Variants in KHDRBS2 observed in about 807,000 individuals in gnomAD.
The protein encoded by KHDRBS2 is KH RNA binding domain containing, signal transduction associated 2.
KHDRBS2 carries 26 observed loss-of-function variants against 44.3 expected under a neutral mutation model. The ratio of observed to expected loss-of-function variants is 0.59; its 90% CI spans 0.43 to 0.81. The LOEUF (loss-of-function observed/expected upper bound fraction) is 0.81. Among genes scored for constraint, KHDRBS2 ranks in the 40% least tolerant of loss-of-function variants. The probability of loss-of-function intolerance (pLI) is 0.00; values close to 1 mark genes in which losing one functional copy is unlikely to be tolerated. For synonymous variants in KHDRBS2, 194 were observed against 151.1 expected (o/e 1.28, Z -2.08); for missense variants, 476 against 433.1 (o/e 1.10, Z -0.88).
At chr6:61,950,366 A>G (rs1359884855) in intron 4 of KHDRBS2, among the ~76,000 whole-genome samples, 6 of 152,038 alleles carry the variant, frequency 3.9e-5, no homozygotes, top group African/African-American at 1.4e-4. Flanking sequence ...CTAGGAAATG[A>G]ATTTCCTCAA....
intron 7 of KHDRBS2, among the ~76,000 whole-genome samples, chr6:61,714,008 C>A (rs1327620808): frequency 6.6e-6 from 1 of 151,742 alleles, no homozygotes; most frequent in Non-Finnish European, 1.5e-5. Flanking sequence ...ACTAAGACCA[C>A]AAAAGCACAG....
chr6:62,226,932 T>C (rs997733551), intron 1 of KHDRBS2, among the ~76,000 whole-genome samples: 4 of 152,242 alleles, frequency 2.6e-5, no homozygotes, highest in Non-Finnish European at 4.4e-5. Flanking sequence ...TGTACCATTG[T>C]AGTATAGTTT....
At chr6:61,643,968 T>C in the KHDRBS2 span, among the ~76,000 whole-genome samples, 2 of 152,122 alleles carry the variant, frequency 1.3e-5, no homozygotes, top group African/African-American at 2.4e-5. Context: ...AAAATTTATA[T>C]GGAACCAAAA....
intron 1 of KHDRBS2, among the ~76,000 whole-genome samples, chr6:62,251,784 C>A (rs1836578064): frequency 6.6e-6 from 1 of 151,738 alleles, no homozygotes; most frequent in African/African-American, 2.4e-5. Context: ...TGAAAATCAA[C>A]CAAAAATAGG....
chr6:62,248,359 T>C (rs191837206), intron 1 of KHDRBS2, among the ~76,000 whole-genome samples: 1 of 151,906 alleles, frequency 6.6e-6, no homozygotes, highest in Admixed American at 6.6e-5. Flanking sequence ...TTTATTATTT[T>C]TTATTTTTTC....
intron 6 of KHDRBS2, among the ~76,000 whole-genome samples, chr6:61,744,169 T>C (rs1381112344): frequency 1.3e-5 from 2 of 152,078 alleles, no homozygotes; most frequent in African/African-American, 4.8e-5. Flanking sequence ...TAGTCTATTA[T>C]TGTGTCATGG....
chr6:61,926,360 T>C (rs1204080180), intron 4 of KHDRBS2, among the ~76,000 whole-genome samples: 5 of 152,230 alleles, frequency 3.3e-5, no homozygotes, highest in Middle Eastern at 3.4e-3. Context: ...TCTTTGGAGT[T>C]TGAAATGAAA....
chr6:62,083,421 T>A (rs1797798001), intron 2 of KHDRBS2, among the ~76,000 whole-genome samples: 1 of 152,196 alleles, frequency 6.6e-6, no homozygotes, highest in Non-Finnish European at 1.5e-5. Context: ...TGCAACCTGA[T>A]TCCTCCTGGA....
chr6:62,076,188 A>C (rs1057344949), intron 2 of KHDRBS2, among the ~76,000 whole-genome samples: 18 of 151,986 alleles, frequency 1.2e-4, no homozygotes, highest in Non-Finnish European at 2.2e-4. Flanking sequence ...ATAGATGATA[A>C]AAATGGATTA....
At chr6:61,738,221 C>T (rs576491740) in intron 6 of KHDRBS2, among the ~76,000 whole-genome samples, 2 of 152,000 alleles carry the variant, frequency 1.3e-5, no homozygotes, top group East Asian at 1.9e-4. Flanking sequence ...AGAGCACATC[C>T]GATGTGTCCA....
intron 8 of KHDRBS2, among the ~76,000 whole-genome samples, chr6:61,681,885 A>G (rs187185750): frequency 9.4e-4 from 143 of 151,938 alleles, no homozygotes; most frequent in Non-Finnish European, 1.6e-3. Context: ...AAATAACTCA[A>G]TGTTGGCTTT....
chr6:62,126,246 G>A (rs796384018), intron 2 of KHDRBS2, among the ~76,000 whole-genome samples: 1 of 152,180 alleles, frequency 6.6e-6, no homozygotes, highest in Non-Finnish European at 1.5e-5. Context: ...GCCGTGGGGA[G>A]AGATTCCATT....
chr6:61,649,004 G>A, the KHDRBS2 span, among the ~76,000 whole-genome samples: 161 of 152,158 alleles, frequency 1.1e-3, no homozygotes, highest in African/African-American at 3.7e-3. Flanking sequence ...GGATTTTGTG[G>A]TTGATCAAGG....
chr6:62,054,482 A>G (rs76736911), intron 2 of KHDRBS2, among the ~76,000 whole-genome samples: 4,964 of 152,126 alleles, frequency 0.033, 266 homozygotes, highest in African/African-American at 0.11. Context: ...TAAATATGTT[A>G]CTCTACATAA....
At chr6:62,159,429 G>A (rs996505733) in intron 2 of KHDRBS2, among the ~76,000 whole-genome samples, 1 of 152,112 alleles carries the variant, frequency 6.6e-6, no homozygotes, top group African/African-American at 2.4e-5. Flanking sequence ...TGTCACTGCT[G>A]CAACTGTGAC....
At chr6:61,641,210 A>G in the KHDRBS2 span, among the ~76,000 whole-genome samples, 1 of 152,148 alleles carries the variant, frequency 6.6e-6, no homozygotes, top group Non-Finnish European at 1.5e-5. Context: ...TCTCTCTGCA[A>G]CACACACTAT....
At chr6:61,700,180 T>A (rs1708437362) in intron 7 of KHDRBS2, among the ~76,000 whole-genome samples, 1 of 151,828 alleles carries the variant, frequency 6.6e-6, no homozygotes, top group South Asian at 2.1e-4. Flanking sequence ...TCATCATCAA[T>A]ACATTTTCTA....
chr6:62,081,630 A>T (rs1399299519), intron 2 of KHDRBS2, among the ~76,000 whole-genome samples: 1 of 152,144 alleles, frequency 6.6e-6, no homozygotes, highest in Non-Finnish European at 1.5e-5. Context: ...AATCAACAAA[A>T]TGTACTGAAT....
chr6:61,992,616 C>T (rs145058907), intron 3 of KHDRBS2, among the ~76,000 whole-genome samples: 127 of 152,032 alleles, frequency 8.4e-4, no homozygotes, highest in East Asian at 7.0e-3. Context: ...TGTGTTTGTG[C>T]GCGCGTGCGC....
Sources: allele counts gnomAD v4.1 joint callset (sites outside exome capture counted in the v4.1 genomes callset), GRCh38; gene constraint gnomAD v4.1.1; transcripts MANE v1.5; gene names NCBI Gene and HGNC (gene_info 2026-07-23, HGNC 2026-07-21).